The following SYTL5 variants were observed in gnomAD, a reference collection of about 807,000 sequenced individuals.
SYTL5 encodes the protein synaptotagmin-like protein 5.
In SYTL5, 34 loss-of-function variants were observed where a neutral mutation model predicts 55.9. That is an observed-to-expected ratio of 0.61 (90% CI 0.46 to 0.81). The LOEUF (loss-of-function observed/expected upper bound fraction) is 0.81. Among genes scored for constraint, SYTL5 ranks in the 30% least tolerant of loss-of-function variants. The pLI is 0.00. For missense variants in SYTL5, 637 were observed against 546.7 expected (o/e 1.17, Z -1.65); for synonymous variants, 221 against 188.7 (o/e 1.17, Z -1.40).
intron 5 of SYTL5, among the ~76,000 whole-genome samples, chrX:38,075,422 G>C (rs1936365393): frequency 8.9e-6 from 1 of 111,778 alleles, no homozygotes; most frequent in Non-Finnish European, 1.9e-5. Context: ...AAATTACTGA[G>C]TACATATAAA....
chrX:37,944,951 T>C, the SYTL5 span, among the ~76,000 whole-genome samples: 1 of 112,448 alleles, frequency 8.9e-6, no homozygotes, highest in Admixed American at 9.4e-5. Flanking sequence ...CCAAAGCTGG[T>C]ACAACTTCCT....
rs146641475 is a variant in SYTL5, at chrX:38,073,084, T to C, written c.446-506T>C. On this transcript the variant is annotated intron_variant, in intron 4 of 16. Coordinates refer to ENST00000297875, the MANE Select transcript of SYTL5 (RefSeq NM_138780.3). Reference sequence around the variant, plus strand: ...GATACTACAGAGAGATGGTGTGGAGTACAGTTAGAATTAGGCAATCAGCCA... The same window carrying C: ...GATACTACAGAGAGATGGTGTGGAGCACAGTTAGAATTAGGCAATCAGCCA... Among the ~76,000 whole-genome samples, 591 of 111,142 alleles carry C rather than the reference T, an allele frequency of 5.3e-3. 4 individuals are homozygous for C. Among genetic ancestry groups the C allele is most frequent in the African/African-American group, 0.018 (557 of 30,575 alleles).
rs60191930 is a variant in SYTL5, at chrX:38,078,266, G to GTTT, written c.689+1575_689+1577dup. On this transcript the variant is annotated intron_variant, in intron 6 of 16. Transcript: ENST00000297875. ...ACAATGTTCCTTGTTTTTTGTTTTTGTTTTTTTTTTTTGAGATGGAGTCTC... is the reference window on the plus strand; with the variant it reads ...ACAATGTTCCTTGTTTTTTGTTTTTGTTTTTTTTTTTTTTTGAGATGGAGTCTC... Among the ~76,000 whole-genome samples the GTTT allele has an allele frequency of 8.4e-3, 845 of 100,246 alleles. 5 individuals carry two copies. Among genetic ancestry groups the GTTT allele is most frequent in the Middle Eastern group, 0.043 (9 of 207 alleles). 87.1% of individuals were successfully genotyped at this position (100,246 alleles called of 115,157 possible). A position where few individuals can be genotyped will look rare whatever the true frequency, so the allele number is the denominator to read the frequency against.
At chrX:37,960,764 A>ATTTTTTTT in the SYTL5 span, among the ~76,000 whole-genome samples, 1 of 81,746 alleles carries the variant, frequency 1.2e-5, no homozygotes, top group Non-Finnish European at 2.3e-5. Flanking sequence ...CCTCCAGATT[A>ATTTTTTTT]TTTTTATTTA....
At position 38,102,822 on chromosome X, in the gene SYTL5, G is replaced by A. The variant is rs1352283245; in HGVS notation, c.1155+388G>A. ...TTATCCTAAAACACATGCCCAATCA[G>A]GTCTGTCTTCTACTCAAAACCCATC... is the stretch of plus-strand genomic sequence containing the variant. On this transcript the variant is annotated intron_variant, in intron 10 of 16. Transcript: ENST00000297875. 4.5e-5 allele frequency among the ~76,000 whole-genome samples: 5 copies of A among 111,792 alleles called. No homozygotes were observed. In the Admixed American group the frequency reaches 4.8e-4, roughly 11 times the overall value.
chrX:37,939,061 C>T, the SYTL5 span, among the ~76,000 whole-genome samples: 2 of 110,233 alleles, frequency 1.8e-5, no homozygotes, highest in Non-Finnish European at 1.9e-5. Flanking sequence ...AGTTTGAGAC[C>T]AGACTGACCA....
At chrX:37,909,919 C>T in the SYTL5 span, among the ~76,000 whole-genome samples, 1 of 110,916 alleles carries the variant, frequency 9.0e-6, no homozygotes. Context: ...AGGTAATCCA[C>T]CCGCCTCAGC....
At chrX:37,997,074 T>C in the SYTL5 span, among the ~76,000 whole-genome samples, 1 of 112,787 alleles carries the variant, frequency 8.9e-6, no homozygotes, top group East Asian at 2.8e-4. Flanking sequence ...TCGGTATATA[T>C]GTGGCTACAG....
rs1239886980 is a variant in SYTL5, at chrX:38,065,181, T to C, written c.330-6866T>C. On this transcript the variant is annotated intron_variant, in intron 3 of 16. Transcript: ENST00000297875. ...TATTATTTTCCTGGCTGATACATAA[T>C]TTTTGTCCTTTGTTTTAGACATTTC... Among the ~76,000 whole-genome samples, 3 of 111,919 alleles carry C rather than the reference T, an allele frequency of 2.7e-5. No individual in the cohort carries two copies. The Admixed American group carries it at 2.9e-4, about 11-fold the overall frequency.
At chrX:37,898,029 C>T in the SYTL5 span, among the ~76,000 whole-genome samples, 3 of 111,115 alleles carry the variant, frequency 2.7e-5, no homozygotes, top group East Asian at 2.8e-4. Context: ...ACCCGGGAGG[C>T]GGAGGTTGCA....
the SYTL5 span, among the ~76,000 whole-genome samples, chrX:37,907,146 A>G: frequency 8.9e-6 from 1 of 111,838 alleles, no homozygotes; most frequent in South Asian, 3.8e-4. Flanking sequence ...GTTTGATGCA[A>G]TGTTAACAAG....
At chrX:38,016,899 A>G (rs535515366) in intron 1 of SYTL5, among the ~76,000 whole-genome samples, 1 of 112,288 alleles carries the variant, frequency 8.9e-6, no homozygotes, top group African/African-American at 3.2e-5. Flanking sequence ...GATCTATGCT[A>G]TGTTAATGCC....
chrX:37,942,444 A>T, the SYTL5 span, among the ~76,000 whole-genome samples: 1 of 111,671 alleles, frequency 9.0e-6, no homozygotes, highest in Non-Finnish European at 1.9e-5. Flanking sequence ...GACTGATGAG[A>T]AGAGTTAGTG....
the SYTL5 span, among the ~76,000 whole-genome samples, chrX:37,929,472 T>A: frequency 1.8e-5 from 2 of 112,418 alleles, no homozygotes; most frequent in South Asian, 7.2e-4. Context: ...ATAAAGTTTT[T>A]AAAATAATAG....
chrX:37,899,009 T>G, the SYTL5 span, among the ~76,000 whole-genome samples: 1 of 111,567 alleles, frequency 9.0e-6, no homozygotes, highest in Admixed American at 9.5e-5. Context: ...GTACTAAGTA[T>G]CCACAAAATC....
At chrX:38,111,296 T>C (rs927426490) in intron 13 of SYTL5, among the ~76,000 whole-genome samples, 1 of 112,006 alleles carries the variant, frequency 8.9e-6, no homozygotes, top group Non-Finnish European at 1.9e-5. Flanking sequence ...TATTCCTTAG[T>C]GTCCTCAGTT....
chrX:38,082,526 G>A (rs1164740017), intron 6 of SYTL5, among the ~76,000 whole-genome samples: 2 of 112,528 alleles, frequency 1.8e-5, no homozygotes. Context: ...AAATGTGGAA[G>A]TTCTTAGACA....
the SYTL5 span, among the ~76,000 whole-genome samples, chrX:37,910,285 T>C: frequency 8.9e-6 from 1 of 111,923 alleles, no homozygotes. Context: ...TTTACTACAG[T>C]CTTTTCTCTG....
chrX:38,087,819 C>T (rs1254486861), intron 6 of SYTL5, among the ~76,000 whole-genome samples: 1 of 110,941 alleles, frequency 9.0e-6, no homozygotes, highest in Non-Finnish European at 1.9e-5. Flanking sequence ...TGGTCACAGG[C>T]TTTGGGTAGA....
Sources: allele counts gnomAD v4.1 joint callset (sites outside exome capture counted in the v4.1 genomes callset), GRCh38; gene constraint gnomAD v4.1.1; transcripts MANE v1.5; gene names NCBI Gene and HGNC (gene_info 2026-07-23, HGNC 2026-07-21).